Variants in ZNF804A observed in about 807,000 individuals in gnomAD.
The protein encoded by ZNF804A is zinc finger protein 804A.
ZNF804A carries 2 observed loss-of-function variants against 16.5 expected under a neutral mutation model. The ratio of observed to expected loss-of-function variants is 0.12; its 90% CI spans 0.05 to 0.38. ZNF804A has a LOEUF of 0.38. Ranked by LOEUF, ZNF804A falls within the 10% of genes least tolerant of loss-of-function variation. The probability of loss-of-function intolerance (pLI) is 0.99; values close to 1 mark genes in which losing one functional copy is unlikely to be tolerated. For synonymous variants in ZNF804A, 534 were observed against 489.6 expected (o/e 1.09, Z -1.20); for missense variants, 1,473 against 1,390.7 (o/e 1.06, Z -0.94).
At chr2:184,899,619 T>A (rs1205047561) in intron 2 of ZNF804A, among the ~76,000 whole-genome samples, 1 of 152,064 alleles carries the variant, frequency 6.6e-6, no homozygotes, top group Non-Finnish European at 1.5e-5. Flanking sequence ...CTTGCATATT[T>A]AATCCTCTTA....
At chr2:184,663,488 C>T (rs764594597) in intron 1 of ZNF804A, among the ~76,000 whole-genome samples, 16 of 151,948 alleles carry the variant, frequency 1.1e-4, no homozygotes, top group South Asian at 2.1e-4. Context: ...GCAGGTGCCC[C>T]GTGGCACAAA....
chr2:184,752,450 G>T (rs915541563), intron 1 of ZNF804A, among the ~76,000 whole-genome samples: 1 of 151,432 alleles, frequency 6.6e-6, no homozygotes, highest in Non-Finnish European at 1.5e-5. Flanking sequence ...ACATAAAGAA[G>T]CAAATAATAG....
At chr2:184,675,500 A>T (rs1309018361) in intron 1 of ZNF804A, among the ~76,000 whole-genome samples, 1 of 151,798 alleles carries the variant, frequency 6.6e-6, no homozygotes, top group Non-Finnish European at 1.5e-5. Context: ...GGTAAGTTAA[A>T]TCACTGCATG....
At chr2:184,857,697 T>C (rs2105807151) in intron 1 of ZNF804A, among the ~76,000 whole-genome samples, 1 of 152,316 alleles carries the variant, frequency 6.6e-6, no homozygotes, top group Middle Eastern at 3.4e-3. Context: ...TCTACTAAGT[T>C]GACCCATTTA....
intron 1 of ZNF804A, among the ~76,000 whole-genome samples, chr2:184,643,581 T>C (rs1691828285): frequency 6.6e-6 from 1 of 151,956 alleles, no homozygotes; most frequent in Admixed American, 6.6e-5. Flanking sequence ...TTCTGGCTTT[T>C]CCCATAGTTA....
chr2:184,708,575 G>A (rs1298303172), intron 1 of ZNF804A, among the ~76,000 whole-genome samples: 1 of 151,894 alleles, frequency 6.6e-6, no homozygotes, highest in African/African-American at 2.4e-5. Context: ...AACGGTGCTG[G>A]GATAACTAGC....
At chr2:184,604,677 A>C (rs1161896751) in intron 1 of ZNF804A, among the ~76,000 whole-genome samples, 1 of 152,164 alleles carries the variant, frequency 6.6e-6, no homozygotes, top group African/African-American at 2.4e-5. Context: ...GTTGCTATGT[A>C]GGCTATTCAT....
intron 1 of ZNF804A, among the ~76,000 whole-genome samples, chr2:184,785,580 T>C (rs1354154057): frequency 6.6e-6 from 1 of 152,060 alleles, no homozygotes; most frequent in Non-Finnish European, 1.5e-5. Context: ...CCTTGCTACA[T>C]AGAAGTCATT....
At chr2:184,635,456 G>A (rs1691680551) in intron 1 of ZNF804A, among the ~76,000 whole-genome samples, 1 of 151,982 alleles carries the variant, frequency 6.6e-6, no homozygotes, top group Admixed American at 6.6e-5. Flanking sequence ...CAGTCAGTAT[G>A]GGAGATAACA....
intron 1 of ZNF804A, among the ~76,000 whole-genome samples, chr2:184,752,322 T>C (rs1693888789): frequency 6.6e-6 from 1 of 151,818 alleles, no homozygotes; most frequent in South Asian, 2.1e-4. Context: ...AATTATGTTC[T>C]TTGCAGGAGC....
chr2:184,892,460 T>C (rs1462697359), intron 2 of ZNF804A, among the ~76,000 whole-genome samples: 1 of 150,928 alleles, frequency 6.6e-6, no homozygotes, highest in Non-Finnish European at 1.5e-5. Flanking sequence ...GCTTCCACCT[T>C]CTATTCCTCA....
chr2:184,904,960 C>T (rs1685247600), intron 2 of ZNF804A, among the ~76,000 whole-genome samples: 1 of 152,032 alleles, frequency 6.6e-6, no homozygotes, highest in Admixed American at 6.6e-5. Context: ...AAATTTTTCA[C>T]TACTTAATAA....
At chr2:184,774,384 T>C (rs972722166) in intron 1 of ZNF804A, among the ~76,000 whole-genome samples, 1 of 151,912 alleles carries the variant, frequency 6.6e-6, no homozygotes, top group Non-Finnish European at 1.5e-5. Context: ...AATATACTTC[T>C]TTATTACAGA....
intron 1 of ZNF804A, among the ~76,000 whole-genome samples, chr2:184,726,502 GA>G (rs890447193): frequency 3.9e-4 from 58 of 149,882 alleles, no homozygotes; most frequent in African/African-American, 7.3e-4. Flanking sequence ...AATTCAGAGA[GA>G]AAAAAAAATG....
At position 184,598,948 on chromosome 2, in the gene ZNF804A, G is replaced by T; in HGVS notation, c.-12G>T. On this transcript the variant is annotated 5_prime_UTR_variant, in exon 1 of 4. Coordinates refer to ENST00000302277, the MANE Select transcript of ZNF804A (RefSeq NM_194250.2). ...AAGCGGCGGCTGCGGCGGAGGAGGC[G>T]GCGGCTGCCCCATGGAGTGTTACTA... 6.5e-7 allele frequency: 1 copy of T among 1,531,696 alleles called. No individual in the cohort carries two copies. The highest frequency in any genetic ancestry group is 8.8e-7 in the Non-Finnish European group (1 of 1,133,896). The allele number at this position is 1,531,696 out of a possible 1,614,324, so 94.9% of individuals were successfully genotyped here. A position where few individuals can be genotyped will look rare whatever the true frequency, so the allele number is the denominator to read the frequency against.
intron 1 of ZNF804A, among the ~76,000 whole-genome samples, chr2:184,678,054 G>A (rs893545702): frequency 2.0e-5 from 3 of 151,972 alleles, no homozygotes; most frequent in Non-Finnish European, 4.4e-5. Flanking sequence ...AAGGTCAGAA[G>A]CACAGTAATA....
chr2:184,855,356 C>T (rs1695669918), intron 1 of ZNF804A, among the ~76,000 whole-genome samples: 1 of 152,102 alleles, frequency 6.6e-6, no homozygotes, highest in South Asian at 2.1e-4. Context: ...TTTCACAAAC[C>T]TTTGTTTTCA....
At chr2:184,717,669 T>A (rs1027988634) in intron 1 of ZNF804A, among the ~76,000 whole-genome samples, 7 of 152,208 alleles carry the variant, frequency 4.6e-5, no homozygotes, top group African/African-American at 1.7e-4. Flanking sequence ...CATAATTATA[T>A]GTATTTTATT....
intron 2 of ZNF804A, among the ~76,000 whole-genome samples, chr2:184,882,212 G>A (rs938479933): frequency 6.6e-6 from 1 of 151,884 alleles, no homozygotes; most frequent in East Asian, 1.9e-4. Context: ...TTATATAATG[G>A]TATAGAGCTC....
Sources: allele counts gnomAD v4.1 joint callset (sites outside exome capture counted in the v4.1 genomes callset), GRCh38; gene constraint gnomAD v4.1.1; transcripts MANE v1.5; gene names NCBI Gene and HGNC (gene_info 2026-07-23, HGNC 2026-07-21).